The following POLE2 variants were observed in gnomAD, a reference collection of about 807,000 sequenced individuals.
POLE2 encodes DNA polymerase epsilon subunit 2.
POLE2 carries 56 observed loss-of-function variants against 79.4 expected under a neutral mutation model. The ratio of observed to expected loss-of-function variants is 0.71; its 90% CI spans 0.57 to 0.88. The LOEUF is 0.88. POLE2 is among the 40% of genes least tolerant of loss of function. The probability of loss-of-function intolerance (pLI) is 0.00; values close to 1 mark genes in which losing one functional copy is unlikely to be tolerated. For missense variants in POLE2, 598 were observed against 638.9 expected, an observed-to-expected ratio of 0.94 and a Z score of 0.69; for synonymous variants, 212 against 214.0, an observed-to-expected ratio of 0.99 and a Z score of 0.08.
At chr14:49,682,887 CT>C (rs1455524757) in intron 2 of POLE2, among the ~76,000 whole-genome samples, 6 of 151,598 alleles carry the variant, frequency 4.0e-5, no homozygotes, top group Non-Finnish European at 7.4e-5. Flanking sequence ...CTTTACTCTT[CT>C]TTTTTTCCTC....
chr14:49,651,222 A>G (rs150961841), intron 16 of POLE2, 47 bp downstream of exon 16: 3 of 804,498 alleles, frequency 3.7e-6, no homozygotes, highest in African/African-American at 1.7e-5. Context: ...AAAATTTTAT[A>G]TAATGCAACA....
intron 10 of POLE2, among the ~76,000 whole-genome samples, chr14:49,657,820 C>T (rs758169780): frequency 1.3e-5 from 2 of 152,166 alleles, no homozygotes; most frequent in Non-Finnish European, 2.9e-5. Flanking sequence ...ACCATTGCTC[C>T]TTGGGAAAAT....
intron 5 of POLE2, among the ~76,000 whole-genome samples, chr14:49,672,008 G>A (rs371260966): frequency 3.9e-5 from 6 of 152,222 alleles, no homozygotes; most frequent in African/African-American, 1.4e-4. Context: ...GATCAAGACA[G>A]GCTCCAGAAA....
At chr14:49,654,976 A>T in intron 12 of POLE2, 29 bp downstream of exon 12, 1 of 1,452,802 alleles carries the variant, frequency 6.9e-7, no homozygotes, top group South Asian at 1.4e-5. Flanking sequence ...GACTATAGAA[A>T]CACTTCTTAT....
chr14:49,687,303 CACACACACACACA>C (rs1887220376), intron 1 of POLE2, among the ~76,000 whole-genome samples: 1 of 49,528 alleles, frequency 2.0e-5, no homozygotes, highest in African/African-American at 6.8e-5. Flanking sequence ...ACACACACCA[CACACACACACACA>C]CACACACACA....
At chr14:49,669,120 T>G (rs549857052) in intron 6 of POLE2, among the ~76,000 whole-genome samples, 1 of 152,366 alleles carries the variant, frequency 6.6e-6, no homozygotes, top group East Asian at 1.9e-4. Context: ...AATAACTGTG[T>G]GTGGTGGTCA....
chr14:49,670,214 G>C (rs1288849476), intron 5 of POLE2, among the ~76,000 whole-genome samples: 1 of 151,038 alleles, frequency 6.6e-6, no homozygotes, highest in African/African-American at 2.4e-5. Flanking sequence ...TACTCAGGAG[G>C]CTGAGGCAGG....
At chr14:49,675,636 G>A (rs12884165) in intron 3 of POLE2, among the ~76,000 whole-genome samples, 36,785 of 151,794 alleles carry the variant, frequency 0.24, 5,458 homozygotes, top group African/African-American at 0.41. Context: ...ATATTGGCCA[G>A]GCTGGTCTCA....
chr14:49,653,749 C>T (rs951972827), intron 15 of POLE2, among the ~76,000 whole-genome samples: 6 of 146,566 alleles, frequency 4.1e-5, no homozygotes, highest in Non-Finnish European at 7.5e-5. Flanking sequence ...ACCTACCAGG[C>T]TCAAGTGATC....
At chr14:49,652,530 G>A (rs1884347668) in intron 15 of POLE2, among the ~76,000 whole-genome samples, 1 of 152,102 alleles carries the variant, frequency 6.6e-6, no homozygotes, top group Non-Finnish European at 1.5e-5. Context: ...CTCCCCATCG[G>A]TTGTATTACA....
At chr14:49,661,791 T>C (rs1294847469) in intron 10 of POLE2, among the ~76,000 whole-genome samples, 1 of 152,240 alleles carries the variant, frequency 6.6e-6, no homozygotes, top group African/African-American at 2.4e-5. Flanking sequence ...CTAACAAGAA[T>C]AAAATGATCA....
At chr14:49,679,504 T>C in intron 3 of POLE2, 1 of 483,574 alleles carries the variant, frequency 2.1e-6, no homozygotes, top group Non-Finnish European at 3.7e-6. Flanking sequence ...TAATGAATGG[T>C]ACAAGCAACA....
chr14:49,664,591 GAGA>G lies in POLE2; in HGVS notation c.682+32_682+34del, dbSNP rs756674840. 5.5e-5 allele frequency: 74 copies of G among 1,343,482 alleles called. 1 individual carries two copies. The highest frequency in any genetic ancestry group is 3.6e-5 in the South Asian group (3 of 82,970). 83.2% of individuals were successfully genotyped at this position (1,343,482 alleles called of 1,614,324 possible). ...AAAGCAGAAAGTTTTACTGGAGAAT[GAGA>G]AGAAGGACAGTAACAAAGTATACTG... On this transcript the variant is annotated intron_variant, in intron 9 of 18. Coordinates refer to ENST00000216367, the MANE Select transcript of POLE2 (RefSeq NM_002692.4).
intron 3 of POLE2, chr14:49,677,398 T>C: frequency 4.1e-6 from 2 of 482,752 alleles, no homozygotes; most frequent in Non-Finnish European, 7.6e-6. Flanking sequence ...AGGCCATTCA[T>C]GCCAAGGGTT....
chr14:49,679,509 G>A (rs1594614383), intron 3 of POLE2: 1 of 494,018 alleles, frequency 2.0e-6, no homozygotes. Context: ...AATGGTACAA[G>A]CAACACTGTA....
At chr14:49,687,560 C>G (rs1212179956) in intron 1 of POLE2, among the ~76,000 whole-genome samples, 1 of 152,066 alleles carries the variant, frequency 6.6e-6, no homozygotes, top group Non-Finnish European at 1.5e-5. Context: ...ATGTTGATAA[C>G]CGGCTGCCAT....
intron 10 of POLE2, among the ~76,000 whole-genome samples, chr14:49,658,444 A>T (rs1299147223): frequency 6.6e-6 from 1 of 152,192 alleles, no homozygotes; most frequent in Non-Finnish European, 1.5e-5. Context: ...AGCTGGGAAC[A>T]TGCATGCCAG....
chr14:49,658,619 C>T (rs1474096437), intron 10 of POLE2, among the ~76,000 whole-genome samples: 6 of 152,162 alleles, frequency 3.9e-5, no homozygotes, highest in Admixed American at 1.3e-4. Context: ...TTGGCAATGA[C>T]GGACTGCATA....
At chr14:49,682,241 C>T (rs974064417) in intron 2 of POLE2, among the ~76,000 whole-genome samples, 8 of 151,424 alleles carry the variant, frequency 5.3e-5, no homozygotes, top group Admixed American at 1.3e-4. Flanking sequence ...TGAACTCAGG[C>T]GTTCCCACCA....
Sources: gnomAD v4.1 joint callset for allele counts (sites outside exome capture counted in the v4.1 genomes callset) on GRCh38, gnomAD v4.1.1 for gene constraint, MANE v1.5 for transcripts, NCBI Gene and HGNC (gene_info 2026-07-23, HGNC 2026-07-21) for gene names.